PRPF31: variants seen among roughly 807,000 people sequenced by gnomAD.
The protein encoded by PRPF31 is U4/U6 small nuclear ribonucleoprotein Prp31.
Under a neutral mutation model 60.4 loss-of-function variants are expected in PRPF31, and 12 were observed. The ratio of observed to expected loss-of-function variants is 0.20; its 90% CI spans 0.13 to 0.32. The LOEUF (loss-of-function observed/expected upper bound fraction) is 0.32. Ranked by LOEUF, PRPF31 falls within the 10% of genes least tolerant of loss-of-function variation. The pLI is 1.00. For missense variants in PRPF31, 431 were observed against 687.1 expected, an observed-to-expected ratio of 0.63 and a Z score of 4.17; for synonymous variants, 287 against 287.9, an observed-to-expected ratio of 1.00 and a Z score of 0.03.
chr19:54,128,921 A>G, intron 11 of PRPF31, 136 bp from the exon 12 acceptor site: 1 of 907,098 alleles, frequency 1.1e-6, no homozygotes, highest in Non-Finnish European at 1.7e-6. Flanking sequence ...AGCCGGGCCG[A>G]GTGGGTACCG....
At chr19:54,121,836 A>G (rs1202809983) in intron 3 of PRPF31, 24 bp from the exon 4 acceptor site, 2 of 1,595,264 alleles carry the variant, frequency 1.3e-6, no homozygotes, top group African/African-American at 2.7e-5. Context: ...AGATACTCAC[A>G]CCCATGCCTC....
At chr19:54,121,789 T>G (rs1030711530) in intron 3 of PRPF31, 71 bp from the exon 4 acceptor site, 3 of 1,447,350 alleles carry the variant, frequency 2.1e-6, no homozygotes, top group South Asian at 1.2e-5. Flanking sequence ...ATCCTCCGCC[T>G]CCTCCAGCTG....
At chr19:54,131,172 C>A in intron 13 of PRPF31, 135 bp from the exon 14 acceptor site, 2 of 1,297,680 alleles carry the variant, frequency 1.5e-6, no homozygotes, top group South Asian at 1.2e-5. Context: ...GACAGGGCAA[C>A]TCCAGGGACA....
At chr19:54,128,670 G>T (rs187106635) in intron 11 of PRPF31, among the ~76,000 whole-genome samples, 1 of 152,070 alleles carries the variant, frequency 6.6e-6, no homozygotes, top group Non-Finnish European at 1.5e-5. Context: ...CCTGCTGCAC[G>T]GCCGCCCCGT....
At chr19:54,116,149 C>T (rs1423377945) in intron 1 of PRPF31, among the ~76,000 whole-genome samples, 1 of 151,676 alleles carries the variant, frequency 6.6e-6, no homozygotes, top group Non-Finnish European at 1.5e-5. Context: ...GATCCGCCCG[C>T]CTCGGCCTCC....
chr19:54,118,665 C>G, intron 3 of PRPF31, 32 bp downstream of exon 3: 1 of 1,608,436 alleles, frequency 6.2e-7, no homozygotes. Context: ...CCCTCCCCAT[C>G]TCCTGTCTCT....
In PRPF31 at chr19:54,131,388, T is replaced by G. The variant is rs750405768; in HGVS notation, c.1456T>G (p.Phe486Val). The change falls in exon 14 of 14, where the codon TTC (phenylalanine) becomes GTC (valine). Residue 486 changes from phenylalanine (F) to valine (V), a missense_variant. By Grantham distance (50) the Phe-to-Val change is conservative. This residue lies in a region of PRPF31 where 314 missense variants were observed against 475.3 expected (regional missense o/e 0.66). Coordinates refer to ENST00000321030, the MANE Select transcript of PRPF31 (RefSeq NM_015629.4). ...NQKYFSSMAEFLKVKGEKSGL... is the reference protein window; with the variant it reads ...NQKYFSSMAEVLKVKGEKSGL... ...GAAGTATTTCTCCAGCATGGCTGAG[T>G]TCCTCAAGGTCAAGGGCGAGAAGAG... The G allele has an allele frequency of 1.9e-6, 3 of 1,614,048 alleles. No homozygotes were observed. Among genetic ancestry groups the G allele is most frequent in the Non-Finnish European group, 1.7e-6 (2 of 1,180,010 alleles).
At chr19:54,124,792 C>T (rs192092169) in intron 8 of PRPF31, 136 bp downstream of exon 8, 53 of 1,073,462 alleles carry the variant, frequency 4.9e-5, no homozygotes, top group Admixed American at 2.3e-4. Context: ...TGGCATGGGA[C>T]GTGAGAGCCA....
intron 5 of PRPF31, chr19:54,123,060 G>C (rs1348606662): frequency 2.2e-6 from 1 of 454,652 alleles, no homozygotes; most frequent in African/African-American, 2.0e-5. Flanking sequence ...GGGCAGGTGT[G>C]CGTGAGGGCG....
intron 3 of PRPF31, 51 bp from the exon 4 acceptor site, chr19:54,121,809 A>AGCT: frequency 1.1e-5 from 17 of 1,541,312 alleles, no homozygotes; most frequent in Non-Finnish European, 1.5e-5. Context: ...GCGGGACCCG[A>AGCT]GAGGGGGTAG....
At chr19:54,120,452 C>A (rs909530235) in intron 3 of PRPF31, 1 of 152,164 alleles carries the variant, frequency 6.6e-6, no homozygotes, top group African/African-American at 2.4e-5. Flanking sequence ...GATTCTGAGT[C>A]GCTGCCTGAG....
In PRPF31 at chr19:54,128,987, A is replaced by T. The variant is rs191169451; in HGVS notation, c.1147-70A>T. The T allele has an allele frequency of 2.6e-3, 3,864 of 1,474,508 alleles. 89 individuals are homozygous for T. In the African/African-American group the frequency reaches 0.045, roughly 17 times the overall value. The allele number at this position is 1,474,508 out of a possible 1,614,324, so 91.3% of individuals were successfully genotyped here. On this transcript the variant is annotated intron_variant, in intron 11 of 13. Transcript: ENST00000321030. ...TGACCGCTGGGCTTCGGGCTGGTGGAGGGGGTGCCTCGGTGGCTGGAGGGC... is the reference window on the plus strand; with the variant it reads ...TGACCGCTGGGCTTCGGGCTGGTGGTGGGGGTGCCTCGGTGGCTGGAGGGC...
chr19:54,128,509 C>T lies in PRPF31; in HGVS notation c.1146+132C>T, dbSNP rs1027111297. On this transcript the variant is annotated intron_variant, in intron 11 of 13. Transcript: ENST00000321030. ...TAGGGCGCTGCCCCAGCCTCCCCCC[C>T]CCCGGCCTCTATTCTCGTTTCCATC... 50 of 946,016 alleles carry T rather than the reference C, an allele frequency of 5.3e-5. No individual in the cohort carries two copies. In the African/African-American group the frequency reaches 7.5e-4, roughly 14 times the overall value. The allele number at this position is 946,016 out of a possible 1,614,324, so 58.6% of individuals were successfully genotyped here.
At chr19:54,120,805 G>C (rs1354222771) in intron 3 of PRPF31, among the ~76,000 whole-genome samples, 1 of 151,930 alleles carries the variant, frequency 6.6e-6, no homozygotes, top group African/African-American at 2.4e-5. Context: ...GTAGAGATGG[G>C]GTCTCCCTAT....
intron 8 of PRPF31, 128 bp downstream of exon 8, chr19:54,124,784 G>A: frequency 8.6e-7 from 1 of 1,156,182 alleles, no homozygotes; most frequent in Non-Finnish European, 1.3e-6. Context: ...GAACAGGGTG[G>A]CATGGGACGT....
At chr19:54,122,630 T>G in intron 5 of PRPF31, 36 bp downstream of exon 5, 1 of 1,550,382 alleles carries the variant, frequency 6.5e-7, no homozygotes, top group Non-Finnish European at 8.9e-7. Context: ...TCTGCTGGCG[T>G]GAAGGGGCAG....
chr19:54,121,130 A>G (rs2073776012), intron 3 of PRPF31, among the ~76,000 whole-genome samples: 1 of 151,978 alleles, frequency 6.6e-6, no homozygotes, highest in Admixed American at 6.6e-5. Flanking sequence ...CGTCTCTACT[A>G]AAAATACAAA....
chr19:54,126,722 C>T, intron 9 of PRPF31, 105 bp downstream of exon 9: 1 of 1,171,666 alleles, frequency 8.5e-7, no homozygotes, highest in Admixed American at 2.0e-5. Flanking sequence ...GAGCACTGTC[C>T]TACCAAGGCG....
chr19:54,121,632 G>A (rs587643917), intron 3 of PRPF31, among the ~76,000 whole-genome samples: 1 of 152,296 alleles, frequency 6.6e-6, no homozygotes, highest in South Asian at 2.1e-4. Flanking sequence ...GTTTCACACG[G>A]TCAGTTCTGG....
Sources: allele counts gnomAD v4.1 joint callset (sites outside exome capture counted in the v4.1 genomes callset), GRCh38; gene constraint gnomAD v4.1.1; regional missense constraint gnomAD v4.1.1; transcripts MANE v1.5; gene names NCBI Gene and HGNC (gene_info 2026-07-23, HGNC 2026-07-21).